Variants in GHR observed in about 807,000 individuals in gnomAD.
GHR encodes the protein GH receptor.
In GHR, 35 loss-of-function variants were observed where a neutral mutation model predicts 67.1. The ratio of observed to expected loss-of-function variants is 0.52; its 90% confidence interval spans 0.40 to 0.69. The LOEUF (loss-of-function observed/expected upper bound fraction) is 0.69, where lower values mean the gene tolerates loss of function less well. GHR is among the 30% of genes least tolerant of loss of function. The pLI is 0.00. For synonymous variants in GHR, 272 were observed against 269.1 expected, an observed-to-expected ratio of 1.01 and a Z score of -0.10; for missense variants, 792 against 764.6, an observed-to-expected ratio of 1.04 and a Z score of -0.42.
At chr5:42,670,872 A>ATATATATATAT (rs1454194507) in intron 3 of GHR, among the ~76,000 whole-genome samples, 9 of 91,272 alleles carry the variant, frequency 9.9e-5, no homozygotes, top group African/African-American at 3.6e-4. Flanking sequence ...AATTAAAAAA[A>ATATATATATAT]AAAAAAAAAT....
chr5:42,472,930 T>C (rs1028784243), intron 1 of GHR, among the ~76,000 whole-genome samples: 1 of 152,176 alleles, frequency 6.6e-6, no homozygotes, highest in African/African-American at 2.4e-5. Context: ...GGTTGGTTAC[T>C]CTAAATAATG....
chr5:42,540,904 T>C (rs1391141698), intron 1 of GHR, among the ~76,000 whole-genome samples: 1 of 152,116 alleles, frequency 6.6e-6, no homozygotes, highest in Non-Finnish European at 1.5e-5. Flanking sequence ...ATCTAGCACA[T>C]TTTAATTATC....
intron 6 of GHR, among the ~76,000 whole-genome samples, chr5:42,703,865 G>C (rs1489242506): frequency 1.3e-5 from 2 of 151,750 alleles, no homozygotes; most frequent in Admixed American, 1.3e-4. Context: ...GTATAGAAAT[G>C]TTACTGATTT....
At chr5:42,521,510 C>T (rs1007059081) in intron 1 of GHR, among the ~76,000 whole-genome samples, 10 of 152,260 alleles carry the variant, frequency 6.6e-5, no homozygotes, top group African/African-American at 1.7e-4. Flanking sequence ...AATTTAGTTT[C>T]GGATTTGTAA....
At chr5:42,514,363 A>G (rs774502037) in intron 1 of GHR, 5 of 975,308 alleles carry the variant, frequency 5.1e-6, no homozygotes, top group Non-Finnish European at 4.9e-6. Flanking sequence ...TCTGATAACC[A>G]GGTCTCTCTT....
intron 1 of GHR, among the ~76,000 whole-genome samples, chr5:42,542,686 T>A (rs1257406198): frequency 1.3e-5 from 2 of 152,126 alleles, no homozygotes; most frequent in Admixed American, 6.5e-5. Flanking sequence ...GGTTACAAGG[T>A]TGAATTGTAT....
intron 3 of GHR, among the ~76,000 whole-genome samples, chr5:42,675,528 AAACT>A (rs1392215623): frequency 6.6e-6 from 1 of 152,236 alleles, no homozygotes; most frequent in African/African-American, 2.4e-5. Flanking sequence ...GAAAGGCAAT[AAACT>A]AACTGCACCA....
chr5:42,652,692 CTT>C (rs1410269447), intron 3 of GHR, among the ~76,000 whole-genome samples: 2 of 152,094 alleles, frequency 1.3e-5, no homozygotes, highest in Admixed American at 1.3e-4. Flanking sequence ...GTTCTGAGCA[CTT>C]TACATATTTT....
intron 1 of GHR, among the ~76,000 whole-genome samples, chr5:42,486,804 G>A (rs1745903809): frequency 1.3e-5 from 2 of 148,260 alleles, no homozygotes; most frequent in Admixed American, 1.4e-4. Flanking sequence ...CGGAGATCGC[G>A]CCACTGCACT....
At chr5:42,653,728 A>G (rs1163999058) in intron 3 of GHR, among the ~76,000 whole-genome samples, 1 of 152,128 alleles carries the variant, frequency 6.6e-6, no homozygotes, top group African/African-American at 2.4e-5. Context: ...GTGCTAGACC[A>G]TTGCTCTAGG....
At chr5:42,527,303 C>T (rs1034064105) in intron 1 of GHR, among the ~76,000 whole-genome samples, 3 of 152,088 alleles carry the variant, frequency 2.0e-5, no homozygotes, top group Non-Finnish European at 4.4e-5. Flanking sequence ...AAAAGAAAGA[C>T]CCAATGGTAT....
intron 1 of GHR, among the ~76,000 whole-genome samples, chr5:42,541,365 G>C (rs1025739442): frequency 1.3e-5 from 2 of 152,132 alleles, no homozygotes; most frequent in African/African-American, 2.4e-5. Context: ...AGAGGGAATA[G>C]CATATACTAT....
chr5:42,646,276 A>C, intron 3 of GHR: 1 of 446,154 alleles, frequency 2.2e-6, no homozygotes, highest in Non-Finnish European at 4.5e-6. Flanking sequence ...TTACAAATGA[A>C]CCCTGCAAAT....
chr5:42,428,481 G>A (rs1295139478), intron 1 of GHR, among the ~76,000 whole-genome samples: 1 of 152,160 alleles, frequency 6.6e-6, no homozygotes, highest in Non-Finnish European at 1.5e-5. Context: ...CCAACATTTG[G>A]CTTCTCATTA....
At chr5:42,640,152 G>A (rs528930493) in intron 3 of GHR, among the ~76,000 whole-genome samples, 1 of 152,116 alleles carries the variant, frequency 6.6e-6, no homozygotes, top group Non-Finnish European at 1.5e-5. Flanking sequence ...CAAAAGTCTT[G>A]TGGGTATTTA....
intron 1 of GHR, among the ~76,000 whole-genome samples, chr5:42,516,470 G>A (rs1185690172): frequency 2.6e-5 from 4 of 152,030 alleles, no homozygotes; most frequent in Non-Finnish European, 5.9e-5. Flanking sequence ...GGGCTTCAGG[G>A]TTCCCTTTTG....
At chr5:42,675,304 A>G (rs1448124151) in intron 3 of GHR, among the ~76,000 whole-genome samples, 4 of 152,226 alleles carry the variant, frequency 2.6e-5, no homozygotes, top group African/African-American at 7.2e-5. Flanking sequence ...TTGTTGCTGT[A>G]TCTGCCTTGG....
At chr5:42,683,402 G>GT (rs1756983375) in intron 3 of GHR, among the ~76,000 whole-genome samples, 1 of 152,178 alleles carries the variant, frequency 6.6e-6, no homozygotes, top group South Asian at 2.1e-4. Flanking sequence ...ACACAGCAAC[G>GT]TACTTCATCA....
At chr5:42,596,079 T>A (rs1349854154) in intron 2 of GHR, among the ~76,000 whole-genome samples, 1 of 152,234 alleles carries the variant, frequency 6.6e-6, no homozygotes, top group Non-Finnish European at 1.5e-5. Context: ...AATAGGCTTA[T>A]CCGCATATGC....
Sources: gnomAD v4.1 joint callset for allele counts (sites outside exome capture counted in the v4.1 genomes callset) on GRCh38, gnomAD v4.1.1 for gene constraint, MANE v1.5 for transcripts, NCBI Gene and HGNC (gene_info 2026-07-23, HGNC 2026-07-21) for gene names.